SHANK2: variants seen among roughly 807,000 people sequenced by gnomAD.
SHANK2 encodes SH3 and multiple ankyrin repeat domains 2, also known as SH3 and multiple ankyrin repeat domains protein 2.
SHANK2 carries 43 observed loss-of-function variants against 133.7 expected under a neutral mutation model. The observed-to-expected ratio is 0.32, with a 90% CI of 0.25 to 0.41. SHANK2 has a LOEUF of 0.41. SHANK2 is among the 10% of genes least tolerant of loss of function. The probability of loss-of-function intolerance (pLI) is 1.00; values close to 1 mark genes in which losing one functional copy is unlikely to be tolerated. For missense variants in SHANK2, 1,994 were observed against 2,235.8 expected (o/e 0.89, Z 2.18); for synonymous variants, 1,017 against 952.8 (o/e 1.07, Z -1.24).
chr11:70,629,116 C>A (rs961812197), intron 17 of SHANK2, among the ~76,000 whole-genome samples: 1 of 152,168 alleles, frequency 6.6e-6, no homozygotes, highest in East Asian at 1.9e-4. Flanking sequence ...TGGGGAAACG[C>A]GCCCCGGGCA....
At chr11:70,497,564 G>A (rs541124592) in intron 21 of SHANK2, among the ~76,000 whole-genome samples, 9 of 152,278 alleles carry the variant, frequency 5.9e-5, no homozygotes, top group Admixed American at 2.0e-4. Flanking sequence ...TACTAGATAC[G>A]TGATGCTGAC....
At chr11:70,890,329 C>T (rs1261444202) in intron 11 of SHANK2, among the ~76,000 whole-genome samples, 2 of 151,914 alleles carry the variant, frequency 1.3e-5, no homozygotes, top group Non-Finnish European at 2.9e-5. Context: ...TATGGTGAAA[C>T]CCCGTCTCTA....
chr11:70,473,397 C>T lies in SHANK2; in HGVS notation c.5022G>A (p.Thr1674=), dbSNP rs368202189. 1.4e-5 allele frequency: 23 copies of T among 1,608,562 alleles called. No homozygotes were observed. Among genetic ancestry groups the T allele is most frequent in the East Asian group, 6.7e-5 (3 of 44,888 alleles). ...CGGGGCGAACAGTGAAGGTGACCGT[C>T]GTGCTCCGTGTACCTGAGATGGTGC... The part of the protein sequence containing the change: ...IMSTISGTRS[T]TVTFTVRPGT... The change falls in exon 26 of 26, where the codon ACG becomes ACA. Residue 1674 remains threonine (T), a synonymous_variant. Transcript: ENST00000601538. This position sits in a 1 kb window ranked among gnomAD's most constrained non-coding sequence, Gnocchi z 5.9.
At chr11:71,198,456 G>C (rs1407222119) in intron 2 of SHANK2, among the ~76,000 whole-genome samples, 1 of 152,182 alleles carries the variant, frequency 6.6e-6, no homozygotes, top group South Asian at 2.1e-4. Context: ...TCTCTAGCGG[G>C]GCCTCCAAGA....
At chr11:71,190,651 G>T (rs1555115241) in intron 2 of SHANK2, among the ~76,000 whole-genome samples, 1 of 152,220 alleles carries the variant, frequency 6.6e-6, no homozygotes, top group Non-Finnish European at 1.5e-5. Flanking sequence ...CGTATGTGCA[G>T]AAGTGTGTGA....
intron 17 of SHANK2, among the ~76,000 whole-genome samples, chr11:70,507,140 G>C (rs2135856828): frequency 6.6e-6 from 1 of 152,370 alleles, no homozygotes; most frequent in Admixed American, 6.5e-5. Flanking sequence ...CCTGCTGTTA[G>C]CTGAGGCTGT....
chr11:70,856,415 T>C (rs1221556406), intron 11 of SHANK2, among the ~76,000 whole-genome samples: 1 of 151,516 alleles, frequency 6.6e-6, no homozygotes, highest in Non-Finnish European at 1.5e-5. Context: ...GATGAATGGG[T>C]AGATGGATGG....
At chr11:71,183,308 G>A (rs150728661) in intron 2 of SHANK2, among the ~76,000 whole-genome samples, 4,147 of 152,138 alleles carry the variant, frequency 0.027, 77 homozygotes, top group Middle Eastern at 0.048. Flanking sequence ...CAGGCTGCCC[G>A]ACTCATGCTG....
At chr11:70,817,405 C>T (rs1432215943) in intron 12 of SHANK2, among the ~76,000 whole-genome samples, 1 of 152,182 alleles carries the variant, frequency 6.6e-6, no homozygotes, top group Non-Finnish European at 1.5e-5. Context: ...TGGAACAAGG[C>T]CAAGAAAGAA....
intron 24 of SHANK2, among the ~76,000 whole-genome samples, chr11:70,488,533 G>T (rs1269777878): frequency 6.6e-6 from 1 of 152,214 alleles, no homozygotes; most frequent in Non-Finnish European, 1.5e-5. Flanking sequence ...GATGGCTGGG[G>T]AATTGCAGCT....
At chr11:70,863,556 G>C (rs1555068369) in intron 11 of SHANK2, 1 of 458,024 alleles carries the variant, frequency 2.2e-6, no homozygotes, top group East Asian at 6.9e-5. Context: ...CTGGATCCCA[G>C]TGAAGGTACA....
intron 5 of SHANK2, among the ~76,000 whole-genome samples, chr11:71,111,592 G>A (rs1222902663): frequency 6.6e-5 from 10 of 152,082 alleles, no homozygotes; most frequent in Non-Finnish European, 1.3e-4. Context: ...CCCCTACTCC[G>A]TACCTCTCTC....
intron 11 of SHANK2, among the ~76,000 whole-genome samples, chr11:70,843,923 G>C (rs1286473210): frequency 6.6e-6 from 1 of 152,156 alleles, no homozygotes; most frequent in African/African-American, 2.4e-5. Context: ...TCCTTGGGTG[G>C]GTGGCCATAC....
intron 14 of SHANK2, among the ~76,000 whole-genome samples, chr11:70,786,731 A>G (rs782114653): frequency 5.9e-5 from 9 of 152,158 alleles, no homozygotes; most frequent in Non-Finnish European, 1.3e-4. Context: ...AACAAAGGGA[A>G]GGCTGCACAG....
At position 70,821,650 on chromosome 11, in the gene SHANK2, C is replaced by A. The variant is rs190274100; in HGVS notation, c.1175-968G>T. Among the ~76,000 whole-genome samples, 414 of 152,264 alleles carry A rather than the reference C, an allele frequency of 2.7e-3. 1 individual carries two copies. Among genetic ancestry groups the A allele is most frequent in the African/African-American group, 9.3e-3 (387 of 41,554 alleles). ...ATGTTGGCCAGGCTGGTCTCGAACT[C>A]CCGATCTTGTGATCCGCCTGCCTCA... On this transcript the variant is annotated intron_variant, in intron 11 of 25. Transcript: ENST00000601538.
chr11:70,734,801 AC>A (rs1332180480), intron 14 of SHANK2, among the ~76,000 whole-genome samples: 1 of 152,188 alleles, frequency 6.6e-6, no homozygotes, highest in African/African-American at 2.4e-5. Flanking sequence ...CCGAGGGCCT[AC>A]CCAGCAACCA....
chr11:70,911,121 C>A (rs1555078935), intron 10 of SHANK2: 1 of 456,756 alleles, frequency 2.2e-6, no homozygotes, highest in East Asian at 6.9e-5. Context: ...ATGCCTCTTT[C>A]CCCTAATTTT....
At chr11:71,157,585 AAG>A in intron 2 of SHANK2, among the ~76,000 whole-genome samples, 1 of 152,244 alleles carries the variant, frequency 6.6e-6, no homozygotes, top group African/African-American at 2.4e-5. Flanking sequence ...AGCCAGAGAG[AAG>A]AGTCTGTCTG....
rs551732359 is a variant in SHANK2 at position 70,541,666 on chromosome 11, C to T, written c.2062-38735G>A. On this transcript the variant is annotated intron_variant, in intron 17 of 25. Coordinates refer to ENST00000601538, the MANE Select transcript of SHANK2 (RefSeq NM_012309.5). ...GGCAGTGGTTTTCAAGCGGGGGAAA[C>T]GGTGCCCCCCACAAAACACATTCAG... Among the ~76,000 whole-genome samples the T allele has an allele frequency of 1.2e-4, 19 of 152,366 alleles. No homozygotes were observed. The South Asian group carries it at 1.4e-3, about 12-fold the overall frequency.
Sources: allele counts gnomAD v4.1 joint callset (sites outside exome capture counted in the v4.1 genomes callset), GRCh38; gene constraint gnomAD v4.1.1; non-coding constraint Gnocchi (gnomAD v3.1); transcripts MANE v1.5; gene names NCBI Gene and HGNC (gene_info 2026-07-23, HGNC 2026-07-21).